Variants in COG7 observed in about 807,000 individuals in gnomAD.
COG7 encodes conserved oligomeric Golgi complex subunit 7.
In COG7, 49 loss-of-function variants were observed where a neutral mutation model predicts 91.5. The ratio of observed to expected loss-of-function variants is 0.54; its 90% CI spans 0.43 to 0.68. COG7 has a LOEUF of 0.68. Among genes scored for constraint, COG7 ranks in the 30% least tolerant of loss-of-function variants. The probability of loss-of-function intolerance (pLI) is 0.00; values close to 1 mark genes in which losing one functional copy is unlikely to be tolerated. For synonymous variants in COG7, 365 were observed against 388.7 expected (o/e 0.94, Z 0.72); for missense variants, 895 against 961.3 (o/e 0.93, Z 0.91).
intron 6 of COG7, among the ~76,000 whole-genome samples, chr16:23,429,584 A>G (rs1328107836): frequency 6.6e-6 from 1 of 151,880 alleles, no homozygotes; most frequent in Non-Finnish European, 1.5e-5. Flanking sequence ...GCCAGCATGA[A>G]GAAACCCTAT....
intron 1 of COG7, 91 bp downstream of exon 1, chr16:23,452,735 C>A (rs1017497017): frequency 9.0e-5 from 137 of 1,520,748 alleles, no homozygotes; most frequent in Non-Finnish European, 1.1e-4. Flanking sequence ...CATGCGTGCC[C>A]CGCCCACCTG....
chr16:23,445,983 A>C lies in COG7; in HGVS notation c.170-22T>G, dbSNP rs531769499. ...GTTTCTGTAGTTAAAAAAAAAAAAA[A>C]AAACAACAACAACAGCGATAGCCAC... On this transcript the variant is annotated intron_variant, in intron 1 of 16. Coordinates refer to ENST00000307149, the MANE Select transcript of COG7 (RefSeq NM_153603.4). The C allele has an allele frequency of 7.5e-6, 12 of 1,606,252 alleles. No homozygotes were observed. The African/African-American group carries it at 9.4e-5, about 13-fold the overall frequency.
At chr16:23,450,628 G>A (rs1324778913) in intron 1 of COG7, among the ~76,000 whole-genome samples, 1 of 151,988 alleles carries the variant, frequency 6.6e-6, no homozygotes, top group African/African-American at 2.4e-5. Context: ...AGGAGTTTGA[G>A]ACCAGCCTGG....
In COG7 at chr16:23,424,870, G is replaced by GGAGGGCAGC. The variant is rs751681610; in HGVS notation, c.879_887dup (p.Leu294_Ser296dup). On this transcript the variant is annotated inframe_insertion, in exon 7 of 17. Coordinates refer to ENST00000307149, the MANE Select transcript of COG7 (RefSeq NM_153603.4). ...CCCTCTCCACGCCGTTGCTGAGGCA[G>GGAGGGCAGC]GAGGGCAGCGAGGGCATGAGGGCCC... 3.1e-6 allele frequency: 5 copies of GGAGGGCAGC among 1,614,234 alleles called. No individual in the cohort carries two copies. The highest frequency in any genetic ancestry group is 4.2e-6 in the Non-Finnish European group (5 of 1,180,040).
At chr16:23,410,198 A>G in intron 11 of COG7, 97 bp downstream of exon 11, 2 of 931,156 alleles carry the variant, frequency 2.1e-6, no homozygotes, top group Non-Finnish European at 3.5e-6. Context: ...TGGCCTTCAC[A>G]TCTGGCATAT....
At chr16:23,407,674 G>A (rs1045031779) in intron 11 of COG7, among the ~76,000 whole-genome samples, 3 of 152,132 alleles carry the variant, frequency 2.0e-5, no homozygotes, top group Non-Finnish European at 2.9e-5. Flanking sequence ...GACAAAACAC[G>A]GACTGTTCTT....
chr16:23,388,785 C>A lies in COG7; in HGVS notation c.*135G>T. ...AAAGTGCTGGGATTACAGGCGTGAG[C>A]CACCGTGACCAGCTGAACCAAGTCT... On this transcript the variant is annotated 3_prime_UTR_variant, in exon 17 of 17. Coordinates refer to ENST00000307149, the MANE Select transcript of COG7 (RefSeq NM_153603.4). The A allele has an allele frequency of 6.8e-7, 1 of 1,478,470 alleles. No individual in the cohort carries two copies. Among genetic ancestry groups the A allele is most frequent in the Non-Finnish European group, 9.0e-7 (1 of 1,109,632 alleles). 91.6% of individuals were successfully genotyped at this position (1,478,470 alleles called of 1,614,324 possible).
chr16:23,429,655 T>G (rs1963903537), intron 6 of COG7, among the ~76,000 whole-genome samples: 1 of 151,946 alleles, frequency 6.6e-6, no homozygotes, highest in Non-Finnish European at 1.5e-5. Flanking sequence ...TCCCAGCTAC[T>G]CATGGGGCTG....
intron 4 of COG7, among the ~76,000 whole-genome samples, chr16:23,436,964 G>T (rs1964022618): frequency 6.6e-6 from 1 of 152,134 alleles, no homozygotes; most frequent in Admixed American, 6.6e-5. Context: ...GGGCCACAAT[G>T]GGTGGGGAAG....
chr16:23,435,797 G>A (rs1028514423), intron 4 of COG7, among the ~76,000 whole-genome samples: 3 of 152,240 alleles, frequency 2.0e-5, no homozygotes, highest in African/African-American at 7.2e-5. Flanking sequence ...ACCGCTGTGG[G>A]ACACCCAGCT....
chr16:23,444,197 A>C (rs890038066), intron 3 of COG7, among the ~76,000 whole-genome samples: 1 of 151,998 alleles, frequency 6.6e-6, no homozygotes. Flanking sequence ...GTTAGGAAAA[A>C]AACTTATTTT....
intron 1 of COG7, 50 bp downstream of exon 1, chr16:23,452,776 C>G (rs1237287225): frequency 6.4e-7 from 1 of 1,572,668 alleles, no homozygotes; most frequent in Admixed American, 1.8e-5. Flanking sequence ...TGACCTCTGC[C>G]CAGCCGAGAG....
chr16:23,448,082 G>A (rs1471569087), intron 1 of COG7, among the ~76,000 whole-genome samples: 1 of 151,964 alleles, frequency 6.6e-6, no homozygotes, highest in African/African-American at 2.4e-5. Context: ...CCAATTTGGG[G>A]TCCTCAACAT....
intron 14 of COG7, among the ~76,000 whole-genome samples, chr16:23,394,687 C>T (rs72774387): frequency 1.8e-4 from 27 of 152,200 alleles, no homozygotes; most frequent in Non-Finnish European, 3.7e-4. Context: ...AACACAGACT[C>T]GAAAATCTAC....
At chr16:23,397,235 C>G (rs1473916053) in intron 14 of COG7, among the ~76,000 whole-genome samples, 1 of 152,144 alleles carries the variant, frequency 6.6e-6, no homozygotes, top group East Asian at 1.9e-4. Flanking sequence ...TCTAAAATTC[C>G]TTTCTAGTCA....
intron 8 of COG7, 58 bp from the exon 9 acceptor site, chr16:23,417,179 A>T: frequency 5.7e-6 from 9 of 1,571,344 alleles, no homozygotes; most frequent in Non-Finnish European, 7.9e-6. Flanking sequence ...ATGCTGAGAT[A>T]GGGGAAGACC....
intron 16 of COG7, among the ~76,000 whole-genome samples, chr16:23,390,967 T>C (rs1567325946): frequency 6.6e-6 from 1 of 152,244 alleles, no homozygotes; most frequent in Non-Finnish European, 1.5e-5. Context: ...GCGAGCAGTG[T>C]TTTTTGTTCT....
chr16:23,429,203 G>A (rs1464189363), intron 6 of COG7, among the ~76,000 whole-genome samples: 1 of 151,638 alleles, frequency 6.6e-6, no homozygotes, highest in Non-Finnish European at 1.5e-5. Flanking sequence ...TTGCCCAGGT[G>A]GGTCTCAAAC....
intron 4 of COG7, among the ~76,000 whole-genome samples, chr16:23,441,651 A>G (rs1361484945): frequency 6.6e-6 from 1 of 152,144 alleles, no homozygotes; most frequent in African/African-American, 2.4e-5. Flanking sequence ...ACAACTGCAG[A>G]GGTATCTGTG....
Sources: allele counts gnomAD v4.1 joint callset (sites outside exome capture counted in the v4.1 genomes callset), GRCh38; gene constraint gnomAD v4.1.1; transcripts MANE v1.5; gene names NCBI Gene and HGNC (gene_info 2026-07-23, HGNC 2026-07-21).